The following RPL26L1 variants were observed in gnomAD, a reference collection of about 807,000 sequenced individuals.
RPL26L1 encodes the protein ribosomal protein L26 like 1, also known as ribosomal protein uL24-like.
Under a neutral mutation model 15.2 loss-of-function variants are expected in RPL26L1, and 8 were observed. The observed-to-expected ratio is 0.53, with a 90% CI of 0.31 to 0.95. The LOEUF (loss-of-function observed/expected upper bound fraction) is 0.95, where lower values mean the gene tolerates loss of function less well. Ranked by LOEUF, RPL26L1 falls within the 40% of genes least tolerant of loss-of-function variation. The pLI is 0.05. For synonymous variants in RPL26L1, 51 were observed against 65.9 expected, an observed-to-expected ratio of 0.77 and a Z score of 1.09; for missense variants, 146 against 190.9, an observed-to-expected ratio of 0.76 and a Z score of 1.39.
upstream of RPL26L1, chr5:172,957,069 C>A: frequency 4.9e-6 from 2 of 404,532 alleles, no homozygotes; most frequent in Admixed American, 2.9e-5. Context: ...CAGGCAGTGG[C>A]AGAGATCCAA....
intron 2 of RPL26L1, among the ~76,000 whole-genome samples, chr5:172,960,815 G>A (rs1224722458): frequency 6.6e-6 from 1 of 150,686 alleles, no homozygotes; most frequent in Non-Finnish European, 1.5e-5. Flanking sequence ...TCTAGGACAA[G>A]ATTGACGAGG....
At chr5:172,955,028 C>G (rs1308049086), upstream of RPL26L1, 1 of 455,054 alleles carries the variant, frequency 2.2e-6, no homozygotes, top group South Asian at 1.5e-5. Context: ...TGAAGTGTTG[C>G]AAACAACACT....
chr5:172,956,907 C>T (rs34593058), upstream of RPL26L1: 344 of 234,522 alleles, frequency 1.5e-3, 8 homozygotes, highest in East Asian at 0.035. Flanking sequence ...CACTGCACTC[C>T]AGCCTGGGCG....
At chr5:172,960,186 C>A (rs1340993516) in intron 2 of RPL26L1, 145 bp downstream of exon 2, 4 of 902,814 alleles carry the variant, frequency 4.4e-6, no homozygotes, top group African/African-American at 3.3e-5. Context: ...GGGTTCAGAG[C>A]CACCAGAGAG....
At chr5:172,959,248 G>T, upstream of RPL26L1, 1 of 323,912 alleles carries the variant, frequency 3.1e-6, no homozygotes, top group Non-Finnish European at 4.4e-6. Context: ...ACACCAGTAA[G>T]CCTCTACCGC....
chr5:172,959,431 G>A lies in RPL26L1; in HGVS notation c.-47G>A. 1.0e-6 allele frequency: 1 copy of A among 997,538 alleles called. No homozygotes were observed. The highest frequency in any genetic ancestry group is 1.2e-6 in the Non-Finnish European group (1 of 835,450). 61.8% of individuals were successfully genotyped at this position (997,538 alleles called of 1,614,324 possible). On this transcript the variant is annotated 5_prime_UTR_variant, in exon 1 of 4. Coordinates refer to ENST00000265100, the MANE Select transcript of RPL26L1 (RefSeq NM_016093.4). Reference sequence around the variant, plus strand: ...TGCGCGGCACGGAAACTCACTTCCGGCCCTGCGCACTCAGGGTCTGAGGCA... The same window carrying A: ...TGCGCGGCACGGAAACTCACTTCCGACCCTGCGCACTCAGGGTCTGAGGCA...
rs1391347712 is a variant in RPL26L1 at position 172,969,399 on chromosome 5, C to T, written c.310-14C>T. On this transcript the variant is annotated splice_polypyrimidine_tract_variant and intron_variant, in intron 3 of 3. Coordinates refer to ENST00000265100, the MANE Select transcript of RPL26L1 (RefSeq NM_016093.4). ...GGATGCAGAAATAAAGACCTGTTTT[C>T]TCACTCCCAACAGGTGGTTATCACC... is the stretch of plus-strand genomic sequence containing the variant. 4.3e-6 allele frequency: 7 copies of T among 1,611,594 alleles called. No homozygotes were observed. Among genetic ancestry groups the T allele is most frequent in the Non-Finnish European group, 4.2e-6 (5 of 1,178,904 alleles).
chr5:172,958,402 C>A (rs939501729), upstream of RPL26L1: 2 of 456,094 alleles, frequency 4.4e-6, no homozygotes, highest in South Asian at 3.1e-5. Context: ...TGCAAGACAT[C>A]TTCCCTCTCT....
chr5:172,963,127 C>T (rs1755308118), intron 2 of RPL26L1, among the ~76,000 whole-genome samples: 1 of 151,978 alleles, frequency 6.6e-6, no homozygotes, highest in Non-Finnish European at 1.5e-5. Context: ...CCTGTAATCC[C>T]GACACTTTGG....
In RPL26L1 at chr5:172,959,905, G is replaced by A; in HGVS notation, c.32G>A (p.Arg11His). 2 of 1,614,112 alleles carry A rather than the reference G, an allele frequency of 1.2e-6. No individual in the cohort carries two copies. Among genetic ancestry groups the A allele is most frequent in the Non-Finnish European group, 1.7e-6 (2 of 1,180,018 alleles). The change falls in exon 2 of 4, where the codon CGC becomes CAC. Residue 11 changes from arginine (R) to histidine (H), a missense_variant. By Grantham distance (29) the Arg-to-His change is conservative (BLOSUM62 0). Transcript: ENST00000265100. ...TTCAATCCCTTCGTTACCTCGGACC[G>A]CAGTAAAAACCGCAAACGTCACTTC... Reference protein sequence around the residue: MKFNPFVTSDRSKNRKRHFNA... With the variant: MKFNPFVTSDHSKNRKRHFNA...
At chr5:172,954,804 T>C (rs975421146), upstream of RPL26L1, 5 of 392,534 alleles carry the variant, frequency 1.3e-5, no homozygotes, top group African/African-American at 8.3e-5. Flanking sequence ...ATGCCATTTT[T>C]ATTATTTCTC....
chr5:172,958,554 G>C (rs1476000724), upstream of RPL26L1: 5 of 386,956 alleles, frequency 1.3e-5, no homozygotes, highest in Non-Finnish European at 2.2e-5. Context: ...TCGAGACCCA[G>C]AGCCCTTTTC....
upstream of RPL26L1, chr5:172,958,334 G>T (rs1755055737): frequency 4.4e-6 from 2 of 455,616 alleles, no homozygotes; most frequent in Non-Finnish European, 8.8e-6. Context: ...CTACATGTCA[G>T]GGAACACTGA....
intron 2 of RPL26L1, among the ~76,000 whole-genome samples, chr5:172,965,901 T>A (rs1255769396): frequency 6.6e-6 from 1 of 152,220 alleles, no homozygotes; most frequent in Non-Finnish European, 1.5e-5. Flanking sequence ...AAATTTAGCA[T>A]GTTCCAAACT....
intron 2 of RPL26L1, 135 bp from the exon 3 acceptor site, chr5:172,968,324 C>T: frequency 8.9e-7 from 1 of 1,124,618 alleles, no homozygotes; most frequent in Non-Finnish European, 1.3e-6. Flanking sequence ...AGAAAAGTAG[C>T]TAATTTTTGA....
At chr5:172,958,577 C>A, upstream of RPL26L1, 1 of 366,232 alleles carries the variant, frequency 2.7e-6, no homozygotes. Flanking sequence ...TCCCTGCCGC[C>A]ACGGTGCCCA....
At chr5:172,956,707 G>A (rs936746344), upstream of RPL26L1, among the ~76,000 whole-genome samples, 1 of 152,114 alleles carries the variant, frequency 6.6e-6, no homozygotes, top group Non-Finnish European at 1.5e-5. Flanking sequence ...GGAGGCTGAG[G>A]CAGGTGGATT....
intron 2 of RPL26L1, among the ~76,000 whole-genome samples, chr5:172,962,868 C>G (rs1755296030): frequency 6.8e-6 from 1 of 146,668 alleles, no homozygotes; most frequent in South Asian, 2.2e-4. Flanking sequence ...TCTGCCAAAA[C>G]TGACCTGTAC....
rs552403031 is a variant in RPL26L1, at chr5:172,969,674, C to G, written c.*133C>G. 72 of 824,266 alleles carry G rather than the reference C, an allele frequency of 8.7e-5. No homozygotes were observed. Among genetic ancestry groups the G allele is most frequent in the Non-Finnish European group, 1.2e-4 (67 of 545,844 alleles). 51.1% of individuals were successfully genotyped at this position (824,266 alleles called of 1,614,324 possible). On this transcript the variant is annotated 3_prime_UTR_variant, in exon 4 of 4. Coordinates refer to ENST00000265100, the MANE Select transcript of RPL26L1 (RefSeq NM_016093.4). ...CTGTGCCTCTGTAAATCTACTTTTGCAATTTTAAGTAATAATTTTATGAAT... is the reference window on the plus strand; with the variant it reads ...CTGTGCCTCTGTAAATCTACTTTTGGAATTTTAAGTAATAATTTTATGAAT...
Sources: gnomAD v4.1 joint callset for allele counts (sites outside exome capture counted in the v4.1 genomes callset) on GRCh38, gnomAD v4.1.1 for gene constraint, MANE v1.5 for transcripts, NCBI Gene and HGNC (gene_info 2026-07-23, HGNC 2026-07-21) for gene names.